The following CMC2 variants were observed in gnomAD, a reference collection of about 807,000 sequenced individuals.
The protein encoded by CMC2 is C-X9-C motif containing 2.
A neutral mutation model predicts 7.5 loss-of-function variants in CMC2; 5 were observed. The ratio of observed to expected loss-of-function variants is 0.66; its 90% CI spans 0.35 to 1.40. The LOEUF (loss-of-function observed/expected upper bound fraction) is 1.40. Among genes scored for constraint, CMC2 ranks in the 40% most tolerant of loss-of-function variants. The probability of loss-of-function intolerance (pLI) is 0.04; values close to 1 mark genes in which losing one functional copy is unlikely to be tolerated. For synonymous variants in CMC2, 37 were observed against 31.4 expected (o/e 1.18, Z -0.60); for missense variants, 115 against 92.3 (o/e 1.25, Z -1.01).
rs144508349 is a variant in CMC2 at position 81,002,454 on chromosome 16, G to A, written c.-36+4280C>T. On this transcript the variant is annotated intron_variant, in intron 1 of 3. Transcript: ENST00000219400. The stretch of plus-strand genomic sequence containing the variant: ...ACAACAATAACAGAAAACAGACACT[G>A]GTTTAATCACTAGAAAATGTCTCTA... 2.9e-3 allele frequency among the ~76,000 whole-genome samples: 443 copies of A among 152,074 alleles called. 4 individuals are homozygous for A. The highest frequency in any genetic ancestry group is 0.01 in the African/African-American group (423 of 41,472).
At chr16:81,000,566 G>C (rs1968790841) in intron 1 of CMC2, among the ~76,000 whole-genome samples, 1 of 152,142 alleles carries the variant, frequency 6.6e-6, no homozygotes, top group South Asian at 2.1e-4. Context: ...CTTCTCAAAA[G>C]ATATACAAGT....
intron 1 of CMC2, among the ~76,000 whole-genome samples, chr16:80,999,182 A>C (rs1968660875): frequency 6.6e-6 from 1 of 152,242 alleles, no homozygotes; most frequent in Non-Finnish European, 1.5e-5. Flanking sequence ...CTATACCCAG[A>C]AAACCCTAAA....
intron 3 of CMC2, among the ~76,000 whole-genome samples, chr16:80,978,036 C>T (rs549481187): frequency 1.1e-4 from 16 of 151,260 alleles, no homozygotes; most frequent in Non-Finnish European, 2.4e-4. Flanking sequence ...CGCACCACAG[C>T]ACTCCAGCCT....
At chr16:80,993,640 T>C (rs1968184164) in intron 2 of CMC2, among the ~76,000 whole-genome samples, 1 of 152,150 alleles carries the variant, frequency 6.6e-6, no homozygotes, top group Non-Finnish European at 1.5e-5. Context: ...GAGATCTCAT[T>C]GAATATGCAA....
intron 1 of CMC2, among the ~76,000 whole-genome samples, chr16:81,005,249 C>T (rs1004345188): frequency 2.1e-4 from 32 of 152,208 alleles, no homozygotes; most frequent in African/African-American, 7.0e-4. Context: ...GGTGAATCCC[C>T]GTCTCTACTA....
chr16:80,976,560 G>C (rs558050401), intron 3 of CMC2, among the ~76,000 whole-genome samples: 5 of 152,104 alleles, frequency 3.3e-5, no homozygotes, highest in Non-Finnish European at 5.9e-5. Context: ...AACTTCTGCT[G>C]AGTACCTCTA....
chr16:80,991,975 C>T (rs1968031734), intron 2 of CMC2: 1 of 455,024 alleles, frequency 2.2e-6, no homozygotes, highest in Non-Finnish European at 4.4e-6. Context: ...AGAGAAAAGA[C>T]ATTAGGTAAA....
intron 2 of CMC2, among the ~76,000 whole-genome samples, chr16:80,993,846 C>G (rs750039554): frequency 2.6e-5 from 4 of 152,064 alleles, no homozygotes; most frequent in African/African-American, 4.8e-5. Context: ...AAATGACAAG[C>G]TGATTCTAAA....
At position 80,997,386 on chromosome 16, in the gene CMC2, A is replaced by G. The variant is rs147216238; in HGVS notation, c.9T>C (p.Pro3=). 5.6e-6 allele frequency: 9 copies of G among 1,612,266 alleles called. No homozygotes were observed. Among genetic ancestry groups the G allele is most frequent in the African/African-American group, 4.0e-5 (3 of 74,888 alleles). Residue 3 remains proline, a synonymous_variant, in exon 2 of 4, where the codon CCT becomes CCC. Transcript: ENST00000219400. MH[P]DLSPHLHTEE... The stretch of plus-strand genomic sequence containing the variant: ...CAGTGTGCAAGTGTGGAGATAAGTC[A>G]GGATGCATCTTTAGGAGATGAGGAT...
chr16:81,001,507 G>C (rs866175179), intron 1 of CMC2, among the ~76,000 whole-genome samples: 5 of 152,264 alleles, frequency 3.3e-5, no homozygotes, highest in Middle Eastern at 3.4e-3. Flanking sequence ...TTAACAAGCA[G>C]TTTTACAAGA....
In CMC2 at chr16:80,992,375, A is replaced by G. The variant is rs137968422; in HGVS notation, c.81+4939T>C. Among the ~76,000 whole-genome samples the G allele has an allele frequency of 3.4e-3, 512 of 152,302 alleles. 3 individuals are homozygous for G. The highest frequency in any genetic ancestry group is 0.011 in the African/African-American group (469 of 41,558). On this transcript the variant is annotated intron_variant, in intron 2 of 3. Coordinates refer to ENST00000219400, the MANE Select transcript of CMC2 (RefSeq NM_020188.5). ...AGTTATACTTTTAAGATAAATTCCT[A>G]TAAGTGGGACTGATGGATTAAAAAG...
intron 1 of CMC2, among the ~76,000 whole-genome samples, chr16:81,004,679 G>A (rs933180396): frequency 3.3e-5 from 5 of 152,236 alleles, no homozygotes; most frequent in African/African-American, 1.2e-4. Flanking sequence ...TGGGGAGTAA[G>A]CTGGGAGGGT....
At chr16:80,995,748 T>C (rs1968366508) in intron 2 of CMC2, among the ~76,000 whole-genome samples, 1 of 152,036 alleles carries the variant, frequency 6.6e-6, no homozygotes, top group South Asian at 2.1e-4. Context: ...AGTGCAGTGG[T>C]TACCTGGGCA....
intron 2 of CMC2, among the ~76,000 whole-genome samples, chr16:80,995,427 G>A (rs12924576): frequency 0.018 from 2,742 of 151,566 alleles, 51 homozygotes; most frequent in East Asian, 0.054. Context: ...AGGCCGAGGC[G>A]GGAGGATCAC....
intron 2 of CMC2, among the ~76,000 whole-genome samples, chr16:80,986,459 G>GA (rs11441364): frequency 0.68 from 98,237 of 145,506 alleles, 33,707 homozygotes; most frequent in South Asian, 0.8. Context: ...CGTCTCAAAA[G>GA]AAAAAAAAAA....
At chr16:80,983,472 T>C (rs1967285988) in intron 2 of CMC2, 1 of 152,356 alleles carries the variant, frequency 6.6e-6, no homozygotes, top group African/African-American at 2.4e-5. Flanking sequence ...AGTTTTATCA[T>C]AACCTAACAC....
chr16:80,994,932 G>C (rs1244350958), intron 2 of CMC2, among the ~76,000 whole-genome samples: 3 of 152,118 alleles, frequency 2.0e-5, no homozygotes, highest in African/African-American at 2.4e-5. Context: ...GATCACCTGA[G>C]ATCAGGAGTT....
rs566179927 is a variant in CMC2, at chr16:80,973,554, T to C, written c.*2539A>G. The C allele has an allele frequency of 6.6e-6, 1 of 152,142 alleles. No individual in the cohort carries two copies. Among genetic ancestry groups the C allele is most frequent in the Non-Finnish European group, 1.5e-5 (1 of 68,004 alleles). 9.4% of individuals were successfully genotyped at this position (152,142 alleles called of 1,614,324 possible). A position where few individuals can be genotyped will look rare whatever the true frequency, so the allele number is the denominator to read the frequency against. On this transcript the variant is annotated 3_prime_UTR_variant, in exon 4 of 4. Transcript: ENST00000219400. ...CAGAAAGATCTTTATAAAATATAAA[T>C]AAATGAAATCATAACCACTCCCTAA...
chr16:80,978,345 T>G lies in CMC2; in HGVS notation c.154-2166A>C, dbSNP rs781561509. On this transcript the variant is annotated intron_variant, in intron 3 of 3. Coordinates refer to ENST00000219400, the MANE Select transcript of CMC2 (RefSeq NM_020188.5). ...TTTGTAGCAGGCCAATAAAATAAGTTACAAAGCAAATTAAAATATAGTCTA... is the reference window on the plus strand; with the variant it reads ...TTTGTAGCAGGCCAATAAAATAAGTGACAAAGCAAATTAAAATATAGTCTA... 4 of 1,266,788 alleles carry G rather than the reference T, an allele frequency of 3.2e-6. No individual in the cohort carries two copies. The South Asian group carries it at 3.8e-5, about 12-fold the overall frequency. The allele number at this position is 1,266,788 out of a possible 1,614,324, so 78.5% of individuals were successfully genotyped here. A position where few individuals can be genotyped will look rare whatever the true frequency, so the allele number is the denominator to read the frequency against.
Sources: gnomAD v4.1 joint callset for allele counts (sites outside exome capture counted in the v4.1 genomes callset) on GRCh38, gnomAD v4.1.1 for gene constraint, MANE v1.5 for transcripts, NCBI Gene and HGNC (gene_info 2026-07-23, HGNC 2026-07-21) for gene names.